GPR176: variants seen among roughly 807,000 people sequenced by gnomAD.
GPR176 encodes G-protein coupled receptor 176.
In GPR176, 26 loss-of-function variants were observed where a neutral mutation model predicts 35.4. That is an observed-to-expected ratio of 0.74 (90% CI 0.54 to 1.02). GPR176 has a LOEUF of 1.02. GPR176 is among the 50% of genes least tolerant of loss of function. The pLI is 0.00. For missense variants in GPR176, 597 were observed against 665.3 expected, an observed-to-expected ratio of 0.90 and a Z score of 1.13; for synonymous variants, 278 against 271.3, an observed-to-expected ratio of 1.02 and a Z score of -0.24.
intron 1 of GPR176, among the ~76,000 whole-genome samples, chr15:39,867,311 G>A (rs1440787079): frequency 7.1e-6 from 1 of 139,888 alleles, no homozygotes; most frequent in African/African-American, 2.6e-5. Context: ...GCTAGAAGGT[G>A]CAATGGGACC....
intron 1 of GPR176, among the ~76,000 whole-genome samples, chr15:39,863,494 T>C (rs903701887): frequency 2.6e-5 from 4 of 152,056 alleles, no homozygotes; most frequent in Non-Finnish European, 5.9e-5. Flanking sequence ...ATTTAAAAGT[T>C]TGTAAGGTTA....
chr15:39,801,573 G>A lies in GPR176; in HGVS notation c.1107C>T (p.Leu369=), dbSNP rs1327227768. The part of the protein sequence containing the change: ...LEPSIRSGSQ[L]LEMFHIGQQQ... ...GCTGCCCAATGTGGAACATCTCCAG[G>A]AGCTGGCTACCCGAGCGTATGCTGG... The change falls in exon 3 of 3, where the codon CTC becomes CTT. Residue 369 remains leucine (L), a synonymous_variant. Coordinates refer to ENST00000561100, the MANE Select transcript of GPR176 (RefSeq NM_007223.3). 2 of 1,613,984 alleles carry A rather than the reference G, an allele frequency of 1.2e-6. No individual in the cohort carries two copies. Among genetic ancestry groups the A allele is most frequent in the Non-Finnish European group, 1.7e-6 (2 of 1,179,968 alleles).
chr15:39,897,054 C>A (rs375184934), intron 1 of GPR176, among the ~76,000 whole-genome samples: 15 of 152,206 alleles, frequency 9.9e-5, no homozygotes, highest in African/African-American at 3.4e-4. Flanking sequence ...TGCTGAAATG[C>A]AACACAAACC....
intron 1 of GPR176, among the ~76,000 whole-genome samples, chr15:39,899,012 C>T (rs2033199560): frequency 6.6e-6 from 1 of 152,156 alleles, no homozygotes; most frequent in South Asian, 2.1e-4. Flanking sequence ...TCTAGAGGAG[C>T]ACTGAAAGCT....
chr15:39,881,827 G>C (rs1203713302), intron 1 of GPR176, among the ~76,000 whole-genome samples: 1 of 152,130 alleles, frequency 6.6e-6, no homozygotes, highest in Non-Finnish European at 1.5e-5. Flanking sequence ...TCTCACTCTA[G>C]TACAAGTAAA....
At chr15:39,804,263 G>A (rs1899058963) in intron 2 of GPR176, among the ~76,000 whole-genome samples, 1 of 151,916 alleles carries the variant, frequency 6.6e-6, no homozygotes, top group African/African-American at 2.4e-5. Flanking sequence ...ACCTCCCGAT[G>A]AACTTGCTGA....
At position 39,807,454 on chromosome 15, in the gene GPR176, T is replaced by A. The variant is rs903375492; in HGVS notation, c.173-196A>T. On this transcript the variant is annotated intron_variant, in intron 1 of 2. Transcript: ENST00000561100. The stretch of plus-strand genomic sequence containing the variant: ...TTATGTGAAATTATTAAATCACATA[T>A]CAATAAGTCTAGAAAAAATTTTAGT... The A allele has an allele frequency of 3.4e-6, 3 of 890,538 alleles. No individual in the cohort carries two copies. The African/African-American group carries it at 5.1e-5, about 15-fold the overall frequency. The allele number at this position is 890,538 out of a possible 1,614,324, so 55.2% of individuals were successfully genotyped here. A position where few individuals can be genotyped will look rare whatever the true frequency, so the allele number is the denominator to read the frequency against.
intron 1 of GPR176, among the ~76,000 whole-genome samples, chr15:39,871,909 C>A (rs1355906820): frequency 6.6e-6 from 1 of 152,104 alleles, no homozygotes. Flanking sequence ...TACTGAGTGA[C>A]CTAAAAGCTA....
intron 1 of GPR176, among the ~76,000 whole-genome samples, chr15:39,821,380 T>C (rs893750654): frequency 4.2e-4 from 64 of 152,220 alleles, no homozygotes; most frequent in African/African-American, 1.4e-3. Flanking sequence ...ACTGACTCAA[T>C]GTGGATGAAG....
At chr15:39,802,352 GTTC>G in intron 2 of GPR176, 98 bp from the exon 3 acceptor site, 1 of 967,208 alleles carries the variant, frequency 1.0e-6, no homozygotes, top group Non-Finnish European at 1.5e-6. Context: ...GAAAGGTCAA[GTTC>G]TTCTATTCGG....
intron 1 of GPR176, among the ~76,000 whole-genome samples, chr15:39,863,916 A>T (rs955335495): frequency 2.6e-5 from 4 of 152,192 alleles, no homozygotes; most frequent in African/African-American, 9.7e-5. Flanking sequence ...GGTTAAGCAA[A>T]GCATGACTAT....
intron 1 of GPR176, among the ~76,000 whole-genome samples, chr15:39,847,761 A>AT (rs1251615583): frequency 1.3e-5 from 2 of 151,432 alleles, no homozygotes; most frequent in Non-Finnish European, 2.9e-5. Flanking sequence ...AAAAAAAAAA[A>AT]AAAGAAGTCA....
At chr15:39,805,502 G>A (rs920581453) in intron 2 of GPR176, among the ~76,000 whole-genome samples, 4 of 151,938 alleles carry the variant, frequency 2.6e-5, no homozygotes, top group African/African-American at 7.2e-5. Flanking sequence ...CCTGCCCACC[G>A]AGTCTAGATT....
rs372537137 is a variant in GPR176, at chr15:39,801,649, C to T, written c.1031G>A (p.Arg344His). ...ACTCCCTGTACTGACCACATTACGG[C>T]GACTGTACCGGTGGTGTAGTTGCAC... ...TLVQLHHRYS[R>H]RNVVSTGSGM... Residue 344 changes from arginine to histidine, a missense_variant, in exon 3 of 3, where the codon CGC becomes CAC. This residue lies in a region of GPR176 where 251 missense variants were observed against 255.4 expected (regional missense o/e 0.98). Coordinates refer to ENST00000561100, the MANE Select transcript of GPR176 (RefSeq NM_007223.3). The T allele has an allele frequency of 2.5e-5, 40 of 1,613,810 alleles. No homozygotes were observed. Among genetic ancestry groups the T allele is most frequent in the African/African-American group, 2.0e-4 (15 of 74,910 alleles).
chr15:39,902,934 A>G (rs2033319661), intron 1 of GPR176, among the ~76,000 whole-genome samples: 1 of 152,338 alleles, frequency 6.6e-6, no homozygotes, highest in African/African-American at 2.4e-5. Context: ...CACTCTCTCA[A>G]TTAGAGATGG....
rs2030439514 is a variant in GPR176 at position 39,846,539 on chromosome 15, T to A, written c.173-39281A>T. Among the ~76,000 whole-genome samples, 3 of 152,060 alleles carry A rather than the reference T, an allele frequency of 2.0e-5. No individual in the cohort carries two copies. In the South Asian group the frequency reaches 6.2e-4, roughly 31 times the overall value. ...TCACAAAACACCAACTAAAACTCAA[T>A]ACAATAAAAACTAATACAAAGAAAA... On this transcript the variant is annotated intron_variant, in intron 1 of 2. Transcript: ENST00000561100.
chr15:39,835,102 C>T (rs1374340543), intron 1 of GPR176, among the ~76,000 whole-genome samples: 1 of 152,116 alleles, frequency 6.6e-6, no homozygotes, highest in Non-Finnish European at 1.5e-5. Context: ...ACCACAACCT[C>T]TGCCTCCTGG....
chr15:39,886,515 G>C (rs889985691), intron 1 of GPR176, among the ~76,000 whole-genome samples: 8 of 152,076 alleles, frequency 5.3e-5, no homozygotes, highest in African/African-American at 1.9e-4. Flanking sequence ...TCAACGGTGG[G>C]CCAAATGGTC....
At chr15:39,813,330 C>G (rs943900481) in intron 1 of GPR176, 2 of 152,188 alleles carry the variant, frequency 1.3e-5, no homozygotes, top group Non-Finnish European at 2.9e-5. Context: ...CTGAGCATTT[C>G]TTGCAGTACA....
Sources: gnomAD v4.1 joint callset for allele counts (sites outside exome capture counted in the v4.1 genomes callset) on GRCh38, gnomAD v4.1.1 for gene constraint, gnomAD v4.1.1 regional missense constraint, MANE v1.5 for transcripts, NCBI Gene and HGNC (gene_info 2026-07-23, HGNC 2026-07-21) for gene names.